The following H2BC18 variants were observed in gnomAD, a reference collection of about 807,000 sequenced individuals.
The protein encoded by H2BC18 is H2B clustered histone 18.
Under a neutral mutation model 6.3 loss-of-function variants are expected in H2BC18, and 8 were observed. The observed-to-expected ratio is 1.28, with a 90% CI of 0.75 to 2.31. H2BC18 has a LOEUF of 2.31. H2BC18 is among the 30% of genes most tolerant of loss of function. H2BC18 has a pLI of 0.00. For missense variants in H2BC18, 106 were observed against 174.5 expected (o/e 0.61, Z 2.21); for synonymous variants, 104 against 78.1 (o/e 1.33, Z -1.75).
downstream of H2BC18, among the ~76,000 whole-genome samples, chr1:149,809,507 C>G (rs1487575511): frequency 1.5e-4 from 22 of 148,816 alleles, no homozygotes; most frequent in African/African-American, 5.5e-4. Flanking sequence ...GAACCCACCA[C>G]TCTCAGATCA....
At chr1:149,794,057 A>G in intron 1 of H2BC18, 1 of 550,398 alleles carries the variant, frequency 1.8e-6, no homozygotes, top group Non-Finnish European at 3.2e-6. Flanking sequence ...CCTCACTGCC[A>G]CCAGGCTTAG....
At chr1:149,793,441 C>T (rs1369215786) in intron 1 of H2BC18, among the ~76,000 whole-genome samples, 1 of 152,088 alleles carries the variant, frequency 6.6e-6, no homozygotes, top group Non-Finnish European at 1.5e-5. Context: ...CCGAGCTTCA[C>T]CCACAAGGGC....
At chr1:149,806,582 G>A (rs1331433880) in intron 1 of H2BC18, among the ~76,000 whole-genome samples, 4 of 150,980 alleles carry the variant, frequency 2.6e-5, no homozygotes, top group African/African-American at 7.3e-5. Context: ...AGCGAGACGC[G>A]AGACTCCGTC....
chr1:149,796,396 G>T (rs2091800717), intron 1 of H2BC18, among the ~76,000 whole-genome samples: 2 of 152,218 alleles, frequency 1.3e-5, no homozygotes, highest in African/African-American at 4.8e-5. Flanking sequence ...TCTCTGAGAA[G>T]ATAATTTTGA....
intron 1 of H2BC18, chr1:149,787,395 G>C (rs1259812687): frequency 6.6e-6 from 1 of 152,238 alleles, no homozygotes; most frequent in Non-Finnish European, 1.5e-5. Flanking sequence ...GTTATGTGTA[G>C]AGGTGTATGT....
chr1:149,808,266 G>C (rs2091941326), downstream of H2BC18, among the ~76,000 whole-genome samples: 1 of 152,210 alleles, frequency 6.6e-6, no homozygotes, highest in Non-Finnish European at 1.5e-5. Context: ...GAAAACTCCA[G>C]TTGAACCTTA....
chr1:149,799,690 A>G (rs1222434823), intron 1 of H2BC18, among the ~76,000 whole-genome samples: 3 of 152,176 alleles, frequency 2.0e-5, no homozygotes, highest in South Asian at 2.1e-4. Context: ...ATCCTGTTAC[A>G]TGAGTTTGGA....
chr1:149,799,665 CCTCT>C (rs1445538899), intron 1 of H2BC18, among the ~76,000 whole-genome samples: 9 of 152,218 alleles, frequency 5.9e-5, no homozygotes, highest in African/African-American at 1.4e-4. Context: ...ATTCTCCCCT[CCTCT>C]CTAACTCCTC....
chr1:149,793,314 C>G, intron 1 of H2BC18: 1 of 1,156,296 alleles, frequency 8.6e-7, no homozygotes, highest in Non-Finnish European at 1.1e-6. Flanking sequence ...GAGGACCTCC[C>G]AGCTGGTTCC....
intron 1 of H2BC18, chr1:149,791,528 G>C: frequency 6.2e-7 from 1 of 1,610,582 alleles, no homozygotes; most frequent in East Asian, 2.2e-5. Context: ...CAGCGGCTCA[G>C]TGGGTGGCCA....
intron 1 of H2BC18, among the ~76,000 whole-genome samples, chr1:149,800,141 A>T (rs1426634195): frequency 6.6e-6 from 1 of 152,050 alleles, no homozygotes; most frequent in Non-Finnish European, 1.5e-5. Flanking sequence ...TCAGAGAAAC[A>T]CTTGGGTTTA....
In H2BC18 at chr1:149,794,350, G is replaced by A. The variant is rs587765627; in HGVS notation, c.378-11090C>T. Among the ~76,000 whole-genome samples, 2 of 151,802 alleles carry A rather than the reference G, an allele frequency of 1.3e-5. 1 individual carries two copies. The highest frequency in any genetic ancestry group is 4.9e-5 in the African/African-American group (2 of 41,112). Reference sequence around the variant, plus strand: ...GAGACAGCAAGTTGGTGGAGGAGGGGAACGGGGTAGCAAGAAGCGAATGTT... The same window carrying A: ...GAGACAGCAAGTTGGTGGAGGAGGGAAACGGGGTAGCAAGAAGCGAATGTT... On this transcript the variant is annotated intron_variant, in intron 1 of 1. Transcript: ENST00000545683.
At position 149,797,871 on chromosome 1, in the gene H2BC18, T is replaced by C. The variant is rs587690822; in HGVS notation, c.377+14076A>G. ...AAGGCGATCTGCCTACCAATTATTT[T>C]CTCTTAAATGCATTTTAAAGCTACA... is the stretch of plus-strand genomic sequence containing the variant. On this transcript the variant is annotated intron_variant, in intron 1 of 1. Coordinates refer to the H2BC18 transcript ENST00000545683. 2.6e-5 allele frequency among the ~76,000 whole-genome samples: 4 copies of C among 152,288 alleles called. No individual in the cohort carries two copies. The East Asian group carries it at 7.7e-4, about 29-fold the overall frequency.
chr1:149,807,995 A>G (rs1553754067), downstream of H2BC18, among the ~76,000 whole-genome samples: 1 of 152,152 alleles, frequency 6.6e-6, no homozygotes. Context: ...AAAGCTGTTC[A>G]ATATAATAAT....
At chr1:149,793,454 A>G (rs2091762672) in intron 1 of H2BC18, among the ~76,000 whole-genome samples, 1 of 152,110 alleles carries the variant, frequency 6.6e-6, no homozygotes, top group African/African-American at 2.4e-5. Context: ...ACAAGGGCCC[A>G]CGGCCCATCC....
downstream of H2BC18, chr1:149,810,804 C>A (rs2091964730): frequency 6.6e-6 from 1 of 152,152 alleles, no homozygotes; most frequent in Non-Finnish European, 1.5e-5. Context: ...CATGAGGACC[C>A]AACACCTATT....
chr1:149,785,941 A>G lies in H2BC18; in HGVS notation c.378-2681T>C, dbSNP rs2091538051. On this transcript the variant is annotated intron_variant, in intron 1 of 1. Transcript: ENST00000545683. ...TGTCTGGTTTATTTTTCTCAACATT[A>G]TGATTGTGAACTGTATACATGTTGT... 2.6e-5 allele frequency: 4 copies of G among 152,222 alleles called. No individual in the cohort carries two copies. In the South Asian group the frequency reaches 8.3e-4, roughly 32 times the overall value. The allele number at this position is 152,222 out of a possible 1,614,324, so 9.4% of individuals were successfully genotyped here.
At chr1:149,797,697 C>T (rs1184899063) in intron 1 of H2BC18, among the ~76,000 whole-genome samples, 2 of 152,226 alleles carry the variant, frequency 1.3e-5, no homozygotes, top group Non-Finnish European at 2.9e-5. Context: ...CTCCCAGGCT[C>T]AACGATCCTC....
intron 1 of H2BC18, among the ~76,000 whole-genome samples, chr1:149,790,653 A>C (rs2091685213): frequency 3.0e-5 from 4 of 131,172 alleles, no homozygotes; most frequent in Admixed American, 8.2e-5. Context: ...CCTCCACTCC[A>C]TGACCCCCCC....
Sources: gnomAD v4.1 joint callset for allele counts (sites outside exome capture counted in the v4.1 genomes callset) on GRCh38, gnomAD v4.1.1 for gene constraint, MANE v1.5 for transcripts, NCBI Gene and HGNC (gene_info 2026-07-23, HGNC 2026-07-21) for gene names.